MED8: variants seen among roughly 807,000 people sequenced by gnomAD.
The protein encoded by MED8 is mediator of RNA polymerase II transcription subunit 8.
Under a neutral mutation model 34.8 loss-of-function variants are expected in MED8, and 22 were observed. The observed-to-expected ratio is 0.63, with a 90% CI of 0.45 to 0.90. MED8 has a LOEUF of 0.90. MED8 is among the 40% of genes least tolerant of loss of function. MED8 has a pLI of 0.00. For missense variants in MED8, 260 were observed against 326.3 expected (o/e 0.80, Z 1.57); for synonymous variants, 105 against 120.2 (o/e 0.87, Z 0.83).
At chr1:43,387,709 T>C (rs1046614933) in intron 2 of MED8, 62 bp from the exon 3 acceptor site, 56 of 1,585,180 alleles carry the variant, frequency 3.5e-5, no homozygotes, top group African/African-American at 8.1e-5. Flanking sequence ...CTTAGTAAAA[T>C]AGTCCTAGTT....
chr1:43,387,789 C>T, intron 2 of MED8, 142 bp from the exon 3 acceptor site: 1 of 833,154 alleles, frequency 1.2e-6, no homozygotes, highest in Non-Finnish European at 1.9e-6. Flanking sequence ...TAAGTGGGAA[C>T]AGACTAACAG....
chr1:43,388,989 C>T (rs955749162), intron 1 of MED8: 1 of 153,006 alleles, frequency 6.5e-6, no homozygotes, highest in African/African-American at 2.4e-5. Context: ...ATGCAATCAT[C>T]TATCTCTGTG....
In MED8 at chr1:43,384,525, A is replaced by G. The variant is rs780034809; in HGVS notation, c.*517T>C. On this transcript the variant is annotated 3_prime_UTR_variant, in exon 7 of 7. Transcript: ENST00000372457. Reference sequence around the variant, plus strand: ...TCTTCACCTTGCGCCTTAGAGGGATAGCCAGAATGAAACCCAGGCAGGAGG... The same window carrying G: ...TCTTCACCTTGCGCCTTAGAGGGATGGCCAGAATGAAACCCAGGCAGGAGG... 1.9e-6 allele frequency: 3 copies of G among 1,611,554 alleles called. No individual in the cohort carries two copies. Among genetic ancestry groups the G allele is most frequent in the Non-Finnish European group, 2.5e-6 (3 of 1,178,926 alleles).
chr1:43,387,418 C>T (rs971994442), intron 3 of MED8, 85 bp downstream of exon 3: 8 of 1,504,194 alleles, frequency 5.3e-6, no homozygotes, highest in Admixed American at 4.5e-5. Context: ...TCTAGGCTCT[C>T]AGCTAATAAC....
At chr1:43,388,667 A>T in intron 1 of MED8, 3 of 515,420 alleles carry the variant, frequency 5.8e-6, no homozygotes, top group Non-Finnish European at 1.0e-5. Context: ...CCTTTTCCCC[A>T]TCACCTCCTA....
rs766963590 is a variant in MED8, at chr1:43,387,554, G to C, written c.219C>G (p.Asn73Lys). The stretch of plus-strand genomic sequence containing the variant: ...ACAACACCAGAGGAATGATGACCTG[G>C]TTACGGAACAGCGGTGTTTTTTCAT... ...LKHEKTPLFR[N>K]QVIIPLVLSP... The change falls in exon 3 of 7, where the codon AAC becomes AAG. Residue 73 changes from asparagine to lysine, a missense_variant. Coordinates refer to ENST00000372457, the MANE Select transcript of MED8 (RefSeq NM_201542.5). 1 of 1,614,000 alleles carries C rather than the reference G, an allele frequency of 6.2e-7. No homozygotes were observed. Among genetic ancestry groups the C allele is most frequent in the Non-Finnish European group, 8.5e-7 (1 of 1,179,894 alleles).
chr1:43,386,889 T>C lies in MED8; in HGVS notation c.380A>G (p.Asp127Gly). 3 of 1,614,042 alleles carry C rather than the reference T, an allele frequency of 1.9e-6. No individual in the cohort carries two copies. Among genetic ancestry groups the C allele is most frequent in the Non-Finnish European group, 2.5e-6 (3 of 1,179,894 alleles). ...VEEQEKQLTT[D>G]AARIGADAAQ... ...TGCATCTGCACCAATGCGGGCAGCA[T>C]CTGTCGTCAGTTGCTTCTCCTGTTC... Residue 127 changes from aspartate to glycine, a missense_variant, in exon 4 of 7, where the codon GAT becomes GGT. Asp to Gly is a moderately conservative substitution (Grantham distance 94). Transcript: ENST00000372457. This position sits in a 1 kb window ranked among gnomAD's most constrained non-coding sequence, Gnocchi z 4.9.
At chr1:43,388,847 G>C (rs941610037) in intron 1 of MED8, 1 of 161,310 alleles carries the variant, frequency 6.2e-6, no homozygotes, top group African/African-American at 2.4e-5. Flanking sequence ...GTCAGTCTCT[G>C]GGAAATCTGC....
At chr1:43,385,928 C>T (rs1281114011) in intron 6 of MED8, 50 bp downstream of exon 6, 6 of 1,610,168 alleles carry the variant, frequency 3.7e-6, no homozygotes, top group Non-Finnish European at 5.1e-6. Context: ...TAGCTTATTC[C>T]CTCCCACTCC....
In MED8 at chr1:43,387,789, C is replaced by G. The variant is rs115535621; in HGVS notation, c.126-142G>C. ...GCCCTATGACTAGCCTAAGTGGGAA[C>G]AGACTAACAGGGATGACAGGGCTAT... is the stretch of plus-strand genomic sequence containing the variant. On this transcript the variant is annotated intron_variant, in intron 2 of 6. Coordinates refer to ENST00000372457, the MANE Select transcript of MED8 (RefSeq NM_201542.5). 641 of 833,156 alleles carry G rather than the reference C, an allele frequency of 7.7e-4. 9 individuals carry two copies. In the African/African-American group the frequency reaches 0.01, roughly 13 times the overall value. The allele number at this position is 833,156 out of a possible 1,614,324, so 51.6% of individuals were successfully genotyped here.
In MED8 at chr1:43,388,366, C is replaced by T. The variant is rs1045601104; in HGVS notation, c.69G>A (p.Lys23=). The change falls in exon 2 of 7, where the codon AAG becomes AAA. Residue 23 remains lysine (K), a synonymous_variant. Coordinates refer to ENST00000372457, the MANE Select transcript of MED8 (RefSeq NM_201542.5). The stretch of plus-strand genomic sequence containing the variant: ...TGCAAATGAAACTCCCCAGAGAGTT[C>T]TTCAGATCAGCCACTTGACTCAGCA... ...DALLSQVADL[K]NSLGSFICKL... is the part of the protein sequence containing the mutation. The T allele has an allele frequency of 2.5e-6, 4 of 1,613,716 alleles. No homozygotes were observed. Among genetic ancestry groups the T allele is most frequent in the Non-Finnish European group, 3.4e-6 (4 of 1,179,890 alleles).
Position 43,385,348 on chromosome 1 carries a change from T to C in MED8, c.743-242A>G, listed in dbSNP as rs953649397. ...TTCATCCACTCCTAGAACAGATAGCTAAACCTGTGTGACTCCCATTTAACG... is the reference window on the plus strand; with the variant it reads ...TTCATCCACTCCTAGAACAGATAGCCAAACCTGTGTGACTCCCATTTAACG... On this transcript the variant is annotated intron_variant, in intron 6 of 6. Coordinates refer to ENST00000372457, the MANE Select transcript of MED8 (RefSeq NM_201542.5). The C allele has an allele frequency of 1.0e-5, 5 of 481,932 alleles. No individual in the cohort carries two copies. In the Admixed American group the frequency reaches 1.2e-4, roughly 11 times the overall value. 29.9% of individuals were successfully genotyped at this position (481,932 alleles called of 1,614,324 possible). A position where few individuals can be genotyped will look rare whatever the true frequency, so the allele number is the denominator to read the frequency against.
At chr1:43,385,148 C>T in intron 6 of MED8, 42 bp from the exon 7 acceptor site, 1 of 1,547,260 alleles carries the variant, frequency 6.5e-7, no homozygotes, top group Admixed American at 2.0e-5. Context: ...CAAGGTAAGA[C>T]TTTCATGACA....
chr1:43,387,412 G>A (rs1647771688), intron 3 of MED8, 91 bp downstream of exon 3: 2 of 1,479,764 alleles, frequency 1.4e-6, no homozygotes, highest in Non-Finnish European at 1.8e-6. Flanking sequence ...ATTATTTCTA[G>A]GCTCTCAGCT....
Position 43,386,493 on chromosome 1 carries a change from C to G in MED8, c.493+96G>C. On this transcript the variant is annotated intron_variant, in intron 5 of 6. Coordinates refer to ENST00000372457, the MANE Select transcript of MED8 (RefSeq NM_201542.5). The surrounding 1 kb of genome is among the most constrained non-coding windows in gnomAD (Gnocchi z 4.9). ...GATACAAACCCCAAAGCAGTTCACC[C>G]TTGTGTCCTAACTTCACTACTTCCA... The G allele has an allele frequency of 7.4e-7, 1 of 1,358,658 alleles. No individual in the cohort carries two copies. Among genetic ancestry groups the G allele is most frequent in the Non-Finnish European group, 1.0e-6 (1 of 976,408 alleles). The allele number at this position is 1,358,658 out of a possible 1,614,324, so 84.2% of individuals were successfully genotyped here.
At position 43,386,557 on chromosome 1, in the gene MED8, C is replaced by T; in HGVS notation, c.493+32G>A. ...CATTCCAGTGATCTTATATACCTCT[C>T]CTTCTCTGTTTAGCCACCAGTCCCA... On this transcript the variant is annotated intron_variant, in intron 5 of 6. Transcript: ENST00000372457. This position sits in a 1 kb window ranked among gnomAD's most constrained non-coding sequence, Gnocchi z 4.9. 1 of 1,591,410 alleles carries T rather than the reference C, an allele frequency of 6.3e-7. No individual in the cohort carries two copies. Among genetic ancestry groups the T allele is most frequent in the South Asian group, 1.1e-5 (1 of 87,990 alleles).
At position 43,384,953 on chromosome 1, in the gene MED8, T is replaced by C; in HGVS notation, c.*89A>G. The C allele has an allele frequency of 2.7e-6, 4 of 1,487,436 alleles. No individual in the cohort carries two copies. The highest frequency in any genetic ancestry group is 3.6e-6 in the Non-Finnish European group (4 of 1,118,812). The allele number at this position is 1,487,436 out of a possible 1,614,324, so 92.1% of individuals were successfully genotyped here. A position where few individuals can be genotyped will look rare whatever the true frequency, so the allele number is the denominator to read the frequency against. ...TGCTGAAAGCCCATGTTCTTTTTAT[T>C]GTACCCATCTAGGTGAGCCTTGAGC... On this transcript the variant is annotated 3_prime_UTR_variant, in exon 7 of 7. Transcript: ENST00000372457.
chr1:43,389,740 C>G lies in MED8; in HGVS notation c.6+19G>C. On this transcript the variant is annotated intron_variant, in intron 1 of 6. Transcript: ENST00000372457. ...ACCCGAAGCTTGCCAGCCGCTAGTA[C>G]GCCCAACGCAACTCTCACCTGCATT... 6.2e-7 allele frequency: 1 copy of G among 1,605,106 alleles called. No homozygotes were observed. The highest frequency in any genetic ancestry group is 8.5e-7 in the Non-Finnish European group (1 of 1,176,268).
chr1:43,389,793 T>C lies in MED8; in HGVS notation c.-29A>G, dbSNP rs1341037276. ...GGCGGCCGAGGCGGCTGCCACGATT[T>C]CACTTCCGGTTTTCCAGTCAGCAAA... On this transcript the variant is annotated 5_prime_UTR_variant, in exon 1 of 7. Transcript: ENST00000372457. 3 of 1,609,788 alleles carry C rather than the reference T, an allele frequency of 1.9e-6. No individual in the cohort carries two copies. The highest frequency in any genetic ancestry group is 3.4e-5 in the Admixed American group (2 of 59,514).
Sources: gnomAD v4.1 joint callset for allele counts on GRCh38, gnomAD v4.1.1 for gene constraint, Gnocchi (gnomAD v3.1) non-coding constraint, MANE v1.5 for transcripts, NCBI Gene and HGNC (gene_info 2026-07-23, HGNC 2026-07-21) for gene names.